The following ZNF609 variants were observed in gnomAD, a reference collection of about 807,000 sequenced individuals.
ZNF609 encodes zinc finger protein 609.
In ZNF609, 11 loss-of-function variants were observed where a neutral mutation model predicts 109.5. The ratio of observed to expected loss-of-function variants is 0.10; its 90% CI spans 0.06 to 0.17. ZNF609 has a LOEUF of 0.17. Among genes scored for constraint, ZNF609 ranks in the 10% least tolerant of loss-of-function variants. The probability of loss-of-function intolerance (pLI) is 1.00; values close to 1 mark genes in which losing one functional copy is unlikely to be tolerated. For missense variants in ZNF609, 1,559 were observed against 1,772.4 expected (o/e 0.88, Z 2.16); for synonymous variants, 646 against 662.0 (o/e 0.98, Z 0.37).
intron 2 of ZNF609, among the ~76,000 whole-genome samples, chr15:64,578,598 C>CA (rs764594557): frequency 4.6e-5 from 7 of 152,094 alleles, no homozygotes; most frequent in Non-Finnish European, 7.4e-5. Context: ...GAGGCTGAGG[C>CA]AGGAGAATAG....
intron 2 of ZNF609, among the ~76,000 whole-genome samples, chr15:64,589,155 G>A (rs1895253045): frequency 6.6e-6 from 1 of 152,178 alleles, no homozygotes; most frequent in South Asian, 2.1e-4. Context: ...CCTGCCTTGT[G>A]TGGACATGTT....
chr15:64,550,321 GTTA>G (rs902926236), intron 2 of ZNF609, among the ~76,000 whole-genome samples: 5 of 129,364 alleles, frequency 3.9e-5, no homozygotes, highest in African/African-American at 1.1e-4. Context: ...GTTTGTTGTT[GTTA>G]TTGTTGTTGT....
chr15:64,632,021 G>A (rs1329772437), intron 3 of ZNF609: 1 of 152,528 alleles, frequency 6.6e-6, no homozygotes, highest in Non-Finnish European at 1.5e-5. Flanking sequence ...GCTAAGAATG[G>A]CGTGTGTGTA....
chr15:64,483,544 G>A lies in ZNF609; in HGVS notation c.-127-15749G>A, dbSNP rs117891756. On this transcript the variant is annotated intron_variant, in intron 1 of 9. Coordinates refer to ENST00000326648, the MANE Select transcript of ZNF609 (RefSeq NM_015042.2). ...TGGGACTACAGATGCATACCACCAC[G>A]CCTGGCTACATTTCTTATTTTAGTA... 2.5e-3 allele frequency among the ~76,000 whole-genome samples: 380 copies of A among 152,034 alleles called. 3 individuals are homozygous for A. The highest frequency in any genetic ancestry group is 3.4e-3 in the Middle Eastern group (1 of 294).
chr15:64,490,126 T>C (rs921564847), intron 1 of ZNF609, among the ~76,000 whole-genome samples: 6 of 152,058 alleles, frequency 3.9e-5, no homozygotes, highest in Non-Finnish European at 7.4e-5. Context: ...ATCTGGCTAA[T>C]TTTTTATTTT....
intron 1 of ZNF609, among the ~76,000 whole-genome samples, chr15:64,477,140 T>TC (rs1337243598): frequency 1.4e-5 from 2 of 144,672 alleles, no homozygotes; most frequent in East Asian, 2.0e-4. Context: ...CTCTTTCTTT[T>TC]TTTTTTTTTT....
At chr15:64,637,705 T>A (rs1896196046) in intron 3 of ZNF609, among the ~76,000 whole-genome samples, 1 of 152,076 alleles carries the variant, frequency 6.6e-6, no homozygotes, top group South Asian at 2.1e-4. Context: ...TCTGTTCAAG[T>A]CTTTTGCCCA....
Position 64,525,166 on chromosome 15 carries a change from A to G in ZNF609, c.747+25000A>G, listed in dbSNP as rs971762938. Among the ~76,000 whole-genome samples the G allele has an allele frequency of 2.6e-5, 4 of 152,176 alleles. 1 individual carries two copies. Among genetic ancestry groups the G allele is most frequent in the Non-Finnish European group, 5.9e-5 (4 of 68,018 alleles). On this transcript the variant is annotated intron_variant, in intron 2 of 9. Coordinates refer to ENST00000326648, the MANE Select transcript of ZNF609 (RefSeq NM_015042.2). ...TATTTTAATTAGGTTCTTTGTAAGA[A>G]TATATTCTGGATACTAGTGTTTTCT...
chr15:64,638,993 C>T (rs1896217068), intron 3 of ZNF609, among the ~76,000 whole-genome samples: 1 of 152,302 alleles, frequency 6.6e-6, no homozygotes, highest in East Asian at 1.9e-4. Flanking sequence ...GGTGCAGTGG[C>T]TCACACCTGT....
Position 64,681,522 on chromosome 15 carries a change from G to A in ZNF609, c.*5+135G>A, listed in dbSNP as rs2083208421. 6.9e-6 allele frequency: 5 copies of A among 723,694 alleles called. No individual in the cohort carries two copies. The Admixed American group carries it at 1.2e-4, about 18-fold the overall frequency. The allele number at this position is 723,694 out of a possible 1,614,324, so 44.8% of individuals were successfully genotyped here. On this transcript the variant is annotated intron_variant, in intron 9 of 9. Coordinates refer to ENST00000326648, the MANE Select transcript of ZNF609 (RefSeq NM_015042.2). ...CCATGGAACCCTGGCCAAGCCTCTTGTACAAGAGTCTCCCGTGAAGCCATG... is the reference window on the plus strand; with the variant it reads ...CCATGGAACCCTGGCCAAGCCTCTTATACAAGAGTCTCCCGTGAAGCCATG...
Position 64,477,758 on chromosome 15 carries a change from G to A in ZNF609, c.-128+16920G>A, listed in dbSNP as rs190301103. Among the ~76,000 whole-genome samples, 132 of 151,674 alleles carry A rather than the reference G, an allele frequency of 8.7e-4. 1 individual carries two copies. Among genetic ancestry groups the A allele is most frequent in the African/African-American group, 3.0e-3 (124 of 41,352 alleles). The stretch of plus-strand genomic sequence containing the variant: ...AGTCTCCCACCTCAGCCTCCCGACT[G>A]GCTGGGATTACAGGCATGCGCCACC... On this transcript the variant is annotated intron_variant, in intron 1 of 9. Transcript: ENST00000326648.
intron 5 of ZNF609, 137 bp from the exon 6 acceptor site, chr15:64,677,979 A>T (rs1157655655): frequency 1.7e-6 from 2 of 1,173,104 alleles, no homozygotes; most frequent in Non-Finnish European, 2.4e-6. Flanking sequence ...AAACAAGATC[A>T]GTAGAGGCCA....
intron 2 of ZNF609, among the ~76,000 whole-genome samples, chr15:64,613,617 C>T (rs1160474656): frequency 6.6e-6 from 1 of 152,046 alleles, no homozygotes; most frequent in East Asian, 1.9e-4. Context: ...GTGGTGTGAT[C>T]TCAGCTCACT....
At chr15:64,639,023 G>T (rs931684904) in intron 3 of ZNF609, among the ~76,000 whole-genome samples, 1 of 152,194 alleles carries the variant, frequency 6.6e-6, no homozygotes, top group Non-Finnish European at 1.5e-5. Flanking sequence ...ACTTTAGGAG[G>T]CCAAGGCAGA....
At chr15:64,601,626 C>G (rs1469932655) in intron 2 of ZNF609, among the ~76,000 whole-genome samples, 1 of 152,192 alleles carries the variant, frequency 6.6e-6, no homozygotes, top group Non-Finnish European at 1.5e-5. Context: ...TGAGCTCAAA[C>G]ATTTAAGTCC....
At chr15:64,475,417 G>T (rs1231285734) in intron 1 of ZNF609, among the ~76,000 whole-genome samples, 1 of 112,826 alleles carries the variant, frequency 8.9e-6, no homozygotes, top group East Asian at 2.9e-4. Context: ...TTTTTGAGAC[G>T]GAGTCTTACT....
intron 1 of ZNF609, among the ~76,000 whole-genome samples, chr15:64,493,934 G>A (rs2140346649): frequency 6.6e-6 from 1 of 152,284 alleles, no homozygotes; most frequent in Non-Finnish European, 1.5e-5. Context: ...GATGGGAAGT[G>A]GTTTGGCTGC....
At chr15:64,548,041 A>G (rs1213687239) in intron 2 of ZNF609, among the ~76,000 whole-genome samples, 1 of 152,234 alleles carries the variant, frequency 6.6e-6, no homozygotes, top group Non-Finnish European at 1.5e-5. Context: ...TCTCAAGTTT[A>G]CATATGTATT....
At chr15:64,645,016 CCTTCCTTCCTTCCTTT>C (rs1896311978) in intron 3 of ZNF609, among the ~76,000 whole-genome samples, 1 of 126,550 alleles carries the variant, frequency 7.9e-6, no homozygotes. Flanking sequence ...TTTCTTCCTT[CCTTCCTTCCTTCCTTT>C]CTTCCTTCCT....
Sources: gnomAD v4.1 joint callset for allele counts (sites outside exome capture counted in the v4.1 genomes callset) on GRCh38, gnomAD v4.1.1 for gene constraint, MANE v1.5 for transcripts, NCBI Gene and HGNC (gene_info 2026-07-23, HGNC 2026-07-21) for gene names.